Variants in SDR42E2 observed in about 807,000 individuals in gnomAD.
The protein encoded by SDR42E2 is short chain dehydrogenase/reductase family 42E, member 2, also known as putative short-chain dehydrogenase/reductase family 42E member 2.
SDR42E2 carries 20 observed loss-of-function variants against 10.5 expected under a neutral mutation model. That is an observed-to-expected ratio of 1.90 (90% confidence interval 1.34 to 2.77). SDR42E2 has a LOEUF of 2.77. SDR42E2 is among the 30% of genes most tolerant of loss of function. The probability of loss-of-function intolerance (pLI) is 0.00; values close to 1 mark genes in which losing one functional copy is unlikely to be tolerated. For synonymous variants in SDR42E2, 72 were observed against 39.2 expected, an observed-to-expected ratio of 1.84 and a Z score of -3.12; for missense variants, 162 against 104.2, an observed-to-expected ratio of 1.55 and a Z score of -2.42.
intron 6 of SDR42E2, 32 bp from the exon 7 acceptor site, chr16:22,172,224 C>A (rs2046607084): frequency 1.0e-5 from 7 of 703,000 alleles, no homozygotes; most frequent in Non-Finnish European, 1.3e-5. Context: ...CTGACCCTCT[C>A]TGGTGGTTCT....
At chr16:22,166,039 G>C (rs1340286709) in intron 2 of SDR42E2, among the ~76,000 whole-genome samples, 1 of 147,392 alleles carries the variant, frequency 6.8e-6, no homozygotes, top group African/African-American at 2.6e-5. Context: ...GGGACCTGGT[G>C]TAGGAGCTGG....
chr16:22,187,602 C>CAA (rs550730942), intron 12 of SDR42E2, among the ~76,000 whole-genome samples: 3,126 of 118,608 alleles, frequency 0.026, 141 homozygotes, highest in African/African-American at 0.086. Context: ...CCCTAAAAAC[C>CAA]AAAAAAAAAA....
At chr16:22,167,163 C>A (rs1460507802) in intron 4 of SDR42E2, among the ~76,000 whole-genome samples, 164 bp downstream of exon 4, 11 of 128,084 alleles carry the variant, frequency 8.6e-5, no homozygotes, top group Non-Finnish European at 1.8e-4. Flanking sequence ...ACCAGTTCTG[C>A]CATTTTTTTT....
At chr16:22,171,015 G>A in intron 6 of SDR42E2, 64 bp downstream of exon 6, 1 of 699,684 alleles carries the variant, frequency 1.4e-6, no homozygotes, top group Non-Finnish European at 2.6e-6. Flanking sequence ...TCAGAGGGGA[G>A]GGATGGGTGG....
intron 10 of SDR42E2, among the ~76,000 whole-genome samples, chr16:22,182,599 C>T (rs1472947152): frequency 1.3e-5 from 2 of 152,170 alleles, no homozygotes; most frequent in African/African-American, 2.4e-5. Context: ...CCACCCACCT[C>T]GACCTCCCAG....
intron 9 of SDR42E2, among the ~76,000 whole-genome samples, 156 bp from the exon 10 acceptor site, chr16:22,182,056 G>A (rs528925501): frequency 3.3e-5 from 5 of 152,270 alleles, no homozygotes; most frequent in Admixed American, 1.3e-4. Context: ...CAGTGTGGTC[G>A]TCCTGGAATT....
intron 11 of SDR42E2, among the ~76,000 whole-genome samples, chr16:22,184,461 G>C (rs1401102638): frequency 6.6e-6 from 1 of 152,142 alleles, no homozygotes; most frequent in Non-Finnish European, 1.5e-5. Flanking sequence ...AATCAGCCGG[G>C]TGTGGTGGCG....
intron 8 of SDR42E2, among the ~76,000 whole-genome samples, chr16:22,180,603 C>CA (rs1022717372): frequency 9.9e-5 from 15 of 151,984 alleles, no homozygotes; most frequent in African/African-American, 3.4e-4. Flanking sequence ...CTCGGGAGGC[C>CA]AAGGCAGGAG....
intron 7 of SDR42E2, among the ~76,000 whole-genome samples, chr16:22,173,416 C>T (rs1266446986): frequency 1.3e-5 from 2 of 151,982 alleles, no homozygotes; most frequent in Non-Finnish European, 2.9e-5. Flanking sequence ...GATGGGGTTT[C>T]ACCATGTTGG....
chr16:22,184,084 G>A (rs1281108198), intron 10 of SDR42E2, 97 bp from the exon 11 acceptor site: 1 of 397,926 alleles, frequency 2.5e-6, no homozygotes, highest in Non-Finnish European at 4.4e-6. Flanking sequence ...GGGGAGACAG[G>A]AGGTACCTCT....
In SDR42E2 at chr16:22,190,552, C is replaced by G. The variant is rs998950610; in HGVS notation, c.*159C>G. ...TCACGCCCCCGAGCCGCTCTCCAGACCTAGCCCGGACCGCCGACTTCTGGC... is the reference window on the plus strand; with the variant it reads ...TCACGCCCCCGAGCCGCTCTCCAGAGCTAGCCCGGACCGCCGACTTCTGGC... On this transcript the variant is annotated 3_prime_UTR_variant, in exon 13 of 13. Coordinates refer to ENST00000602312, the MANE Select transcript of SDR42E2 (RefSeq NM_001394319.2). The G allele has an allele frequency of 2.5e-6, 1 of 399,942 alleles. No homozygotes were observed. Among genetic ancestry groups the G allele is most frequent in the Non-Finnish European group, 4.4e-6 (1 of 226,990 alleles). 24.8% of individuals were successfully genotyped at this position (399,942 alleles called of 1,614,324 possible).
chr16:22,183,876 C>T (rs2046716028), intron 10 of SDR42E2, among the ~76,000 whole-genome samples: 1 of 150,832 alleles, frequency 6.6e-6, no homozygotes, highest in Non-Finnish European at 1.5e-5. Flanking sequence ...AGGAGGATCA[C>T]ATGAGGCCAG....
intron 7 of SDR42E2, among the ~76,000 whole-genome samples, chr16:22,174,783 T>C (rs1265252472): frequency 6.6e-6 from 1 of 152,110 alleles, no homozygotes; most frequent in African/African-American, 2.4e-5. Context: ...GAGTCATGGA[T>C]ACCCTGGCCC....
rs2046769420 is a variant in SDR42E2 at position 22,190,746 on chromosome 16, G to A, written c.*353G>A. ...CGCGTAGCCCCGAGTCTCTTTCCAT[G>A]TTTTGACCACGCCCTTGACCCGCCC... On this transcript the variant is annotated 3_prime_UTR_variant, in exon 13 of 13. Coordinates refer to ENST00000602312, the MANE Select transcript of SDR42E2 (RefSeq NM_001394319.2). 7.9e-6 allele frequency: 2 copies of A among 251,896 alleles called. No individual in the cohort carries two copies. Among genetic ancestry groups the A allele is most frequent in the Middle Eastern group, 2.3e-3 (2 of 854 alleles). 15.6% of individuals were successfully genotyped at this position (251,896 alleles called of 1,614,324 possible).
chr16:22,179,258 G>A (rs1264525882), intron 8 of SDR42E2, among the ~76,000 whole-genome samples: 2 of 152,086 alleles, frequency 1.3e-5, no homozygotes, highest in Non-Finnish European at 2.9e-5. Context: ...CAAGTTGCTG[G>A]GATGACAGGC....
At chr16:22,189,315 A>G (rs715462) in intron 12 of SDR42E2, among the ~76,000 whole-genome samples, 81,819 of 152,004 alleles carry the variant, frequency 0.54, 26,345 homozygotes, top group East Asian at 0.88. Flanking sequence ...AGGTGGGAGA[A>G]CATCTCCAGG....
chr16:22,165,554 G>A lies in SDR42E2; in HGVS notation c.-29G>A. ...CTATTTTTTTTCCCACAGGTGGTCG[G>A]TTTCTGGGTCTGCATGGCTCAGTAG... On this transcript the variant is annotated 5_prime_UTR_variant, in exon 2 of 13. Coordinates refer to ENST00000602312, the MANE Select transcript of SDR42E2 (RefSeq NM_001394319.2). The A allele has an allele frequency of 2.5e-6, 1 of 401,362 alleles. No homozygotes were observed. The highest frequency in any genetic ancestry group is 3.6e-5 in the East Asian group (1 of 28,086). 24.9% of individuals were successfully genotyped at this position (401,362 alleles called of 1,614,324 possible). A position where few individuals can be genotyped will look rare whatever the true frequency, so the allele number is the denominator to read the frequency against.
chr16:22,177,181 C>A (rs2046651467), intron 7 of SDR42E2, among the ~76,000 whole-genome samples: 1 of 152,178 alleles, frequency 6.6e-6, no homozygotes, highest in African/African-American at 2.4e-5. Flanking sequence ...TATCCATAGG[C>A]AGGGATTATA....
chr16:22,174,578 G>T (rs878924741), intron 7 of SDR42E2, among the ~76,000 whole-genome samples: 1 of 151,046 alleles, frequency 6.6e-6, no homozygotes, highest in Non-Finnish European at 1.5e-5. Flanking sequence ...CATCACCCTG[G>T]GCCAGTTAGG....
Sources: gnomAD v4.1 joint callset for allele counts (sites outside exome capture counted in the v4.1 genomes callset) on GRCh38, gnomAD v4.1.1 for gene constraint, MANE v1.5 for transcripts, NCBI Gene and HGNC (gene_info 2026-07-23, HGNC 2026-07-21) for gene names.